The following RFFL variants were observed in gnomAD, a reference collection of about 807,000 sequenced individuals.
The protein encoded by RFFL is ring finger and FYVE like domain containing E3 ubiquitin protein ligase.
RFFL carries 16 observed loss-of-function variants against 40.4 expected under a neutral mutation model. The observed-to-expected ratio is 0.40, with a 90% confidence interval of 0.27 to 0.60. The LOEUF is 0.60. Ranked by LOEUF, RFFL falls within the 20% of genes least tolerant of loss-of-function variation. The pLI is 0.47. For missense variants in RFFL, 367 were observed against 451.7 expected, an observed-to-expected ratio of 0.81 and a Z score of 1.70; for synonymous variants, 154 against 167.9, an observed-to-expected ratio of 0.92 and a Z score of 0.64.
intron 6 of RFFL, among the ~76,000 whole-genome samples, chr17:35,013,725 TACTC>T (rs2142313329): frequency 6.6e-6 from 1 of 152,296 alleles, no homozygotes; most frequent in South Asian, 2.1e-4. Context: ...AATTTTCAGT[TACTC>T]ATTCTCTCAG....
At position 35,055,562 on chromosome 17, in the gene RFFL, T is replaced by G. The variant is rs753295170; in HGVS notation, c.-9+8014A>C. ...TGGCACACACCTGTAGTCTAGCTAC[T>G]CAGGAGGCTGAGGCAGGAGAATCAC... is the stretch of plus-strand genomic sequence containing the variant. On this transcript the variant is annotated intron_variant, in intron 1 of 6. Coordinates refer to ENST00000394597, the MANE Select transcript of RFFL (RefSeq NM_001017368.2). 2.6e-4 allele frequency among the ~76,000 whole-genome samples: 40 copies of G among 151,086 alleles called. 1 individual carries two copies. The highest frequency in any genetic ancestry group is 8.8e-5 in the Non-Finnish European group (6 of 67,890).
At chr17:35,087,160 G>A (rs954633300) in intron 1 of RFFL, among the ~76,000 whole-genome samples, 2 of 152,070 alleles carry the variant, frequency 1.3e-5, no homozygotes, top group Non-Finnish European at 2.9e-5. Flanking sequence ...AGTTCATGAC[G>A]AACAACATGG....
chr17:35,033,261 G>A (rs145405724), intron 1 of RFFL, among the ~76,000 whole-genome samples: 1 of 152,166 alleles, frequency 6.6e-6, no homozygotes, highest in African/African-American at 2.4e-5. Context: ...GGGCATGGTG[G>A]CTCATGGCTG....
At chr17:35,044,545 T>C (rs1039807217) in intron 1 of RFFL, among the ~76,000 whole-genome samples, 1 of 152,008 alleles carries the variant, frequency 6.6e-6, no homozygotes, top group Non-Finnish European at 1.5e-5. Context: ...ATCTGGGAGG[T>C]GGAGGTTGCA....
Position 35,044,444 on chromosome 17 carries a change from T to C in RFFL, c.-8-17883A>G, listed in dbSNP as rs543341810. On this transcript the variant is annotated intron_variant, in intron 1 of 6. Coordinates refer to ENST00000394597, the MANE Select transcript of RFFL (RefSeq NM_001017368.2). The stretch of plus-strand genomic sequence containing the variant: ...TCACGCCTGTAATCCCAGTGAAACC[T>C]TGTCTCTACTAAAAATACAAAAATT... Among the ~76,000 whole-genome samples, 26 of 152,082 alleles carry C rather than the reference T, an allele frequency of 1.7e-4. 2 individuals are homozygous for C. In the South Asian group the frequency reaches 4.6e-3, roughly 27 times the overall value.
Position 35,009,393 on chromosome 17 carries a change from C to CAGAGT in RFFL, c.*2570_*2574dup, listed in dbSNP as rs1402527657. ...TTGAAACAAGTCTTAACTGAAATCT[C>CAGAGT]AGAGTAATCAGCAAAAGCTACGGAA... On this transcript the variant is annotated 3_prime_UTR_variant, in exon 7 of 7. Transcript: ENST00000394597. 1 of 152,076 alleles carries CAGAGT rather than the reference C, an allele frequency of 6.6e-6. No homozygotes were observed. The highest frequency in any genetic ancestry group is 1.5e-5 in the Non-Finnish European group (1 of 68,010). 9.4% of individuals were successfully genotyped at this position (152,076 alleles called of 1,614,324 possible).
intron 1 of RFFL, among the ~76,000 whole-genome samples, chr17:35,031,046 A>G (rs2091079558): frequency 6.6e-6 from 1 of 152,034 alleles, no homozygotes; most frequent in African/African-American, 2.4e-5. Flanking sequence ...TACAGATTTC[A>G]CAACAATTAC....
chr17:35,027,737 A>G (rs905112935), intron 1 of RFFL, among the ~76,000 whole-genome samples: 21 of 149,058 alleles, frequency 1.4e-4, no homozygotes, highest in African/African-American at 5.2e-4. Flanking sequence ...AAAAAAAAAA[A>G]AAAAAAAGTG....
rs752502876 is a variant in RFFL, at chr17:35,012,150, C to A, written c.911-1G>T. On this transcript the variant is annotated splice_acceptor_variant, in intron 6 of 6. Transcript: ENST00000394597. LOFTEE classifies it high-confidence loss of function. ...TCCAAGCCTGATGGTACTGCTCCCC[C>A]TGTACAAACACACAGGGCAGAAAAA... 2 of 1,613,326 alleles carry A rather than the reference C, an allele frequency of 1.2e-6. No individual in the cohort carries two copies. Among genetic ancestry groups the A allele is most frequent in the South Asian group, 1.1e-5 (1 of 91,006 alleles).
chr17:35,086,482 T>TA (rs11298971), intron 1 of RFFL, among the ~76,000 whole-genome samples: 2 of 144,056 alleles, frequency 1.4e-5, no homozygotes, highest in Admixed American at 1.4e-4. Context: ...CCATCTCAAT[T>TA]AAAAAAAAAA....
chr17:35,018,915 G>A (rs1288044042), intron 3 of RFFL: 1 of 152,258 alleles, frequency 6.6e-6, no homozygotes, highest in Non-Finnish European at 1.5e-5. Context: ...TTCCTAGAAA[G>A]AGAAACGACC....
chr17:35,038,553 C>T (rs1024458993), intron 1 of RFFL, among the ~76,000 whole-genome samples: 6 of 152,198 alleles, frequency 3.9e-5, no homozygotes, highest in South Asian at 2.1e-4. Flanking sequence ...TGTCCATCAA[C>T]GGTAGAATTA....
intron 1 of RFFL, among the ~76,000 whole-genome samples, chr17:35,062,452 T>C (rs2091297619): frequency 6.6e-6 from 1 of 152,048 alleles, no homozygotes; most frequent in Non-Finnish European, 1.5e-5. Context: ...GAAAGTACAG[T>C]ACAGGCTCTT....
At chr17:35,014,547 T>C (rs182951146) in intron 6 of RFFL, among the ~76,000 whole-genome samples, 193 bp downstream of exon 6, 1 of 152,326 alleles carries the variant, frequency 6.6e-6, no homozygotes, top group African/African-American at 2.4e-5. Context: ...TGCTCCACTC[T>C]GCTTCCTGCA....
intron 1 of RFFL, among the ~76,000 whole-genome samples, chr17:35,080,863 G>A (rs1264230840): frequency 6.6e-6 from 1 of 152,158 alleles, no homozygotes. Context: ...ACAACTCAGA[G>A]ATAATGAAAA....
intron 1 of RFFL, among the ~76,000 whole-genome samples, chr17:35,030,579 C>T (rs1302105942): frequency 1.3e-5 from 2 of 151,828 alleles, no homozygotes; most frequent in African/African-American, 4.9e-5. Flanking sequence ...GGATTACAGG[C>T]GTGAACCACC....
intron 1 of RFFL, among the ~76,000 whole-genome samples, chr17:35,072,913 T>G (rs2091358265): frequency 6.6e-6 from 1 of 151,892 alleles, no homozygotes; most frequent in South Asian, 2.1e-4. Context: ...CATGGTAGCG[T>G]GCATCTGTAA....
At chr17:35,087,406 G>T (rs2091436914) in intron 1 of RFFL, among the ~76,000 whole-genome samples, 1 of 152,104 alleles carries the variant, frequency 6.6e-6, no homozygotes, top group African/African-American at 2.4e-5. Flanking sequence ...ATGTCAACTG[G>T]CTTGGTCATG....
intron 2 of RFFL, among the ~76,000 whole-genome samples, chr17:35,024,693 A>G (rs976108092): frequency 2.6e-5 from 4 of 152,236 alleles, no homozygotes; most frequent in African/African-American, 7.2e-5. Context: ...AGAATAAGGA[A>G]AAGAAAAAGA....
Sources: gnomAD v4.1 joint callset for allele counts (sites outside exome capture counted in the v4.1 genomes callset) on GRCh38, gnomAD v4.1.1 for gene constraint, MANE v1.5 for transcripts, NCBI Gene and HGNC (gene_info 2026-07-23, HGNC 2026-07-21) for gene names.